SGIP1: variants seen among roughly 807,000 people sequenced by gnomAD.
SGIP1 encodes the protein SH3-containing GRB2-like protein 3-interacting protein 1.
Under a neutral mutation model 107.5 loss-of-function variants are expected in SGIP1, and 38 were observed. The ratio of observed to expected loss-of-function variants is 0.35; its 90% CI spans 0.27 to 0.46. The LOEUF (loss-of-function observed/expected upper bound fraction) is 0.46. Among genes scored for constraint, SGIP1 ranks in the 20% least tolerant of loss-of-function variants. The pLI is 1.00. For synonymous variants in SGIP1, 365 were observed against 366.1 expected, an observed-to-expected ratio of 1.00 and a Z score of 0.03; for missense variants, 929 against 1,019.5, an observed-to-expected ratio of 0.91 and a Z score of 1.21.
At chr1:66,664,893 T>C (rs72669475) in intron 8 of SGIP1, among the ~76,000 whole-genome samples, 18,525 of 152,198 alleles carry the variant, frequency 0.12, 1,163 homozygotes, top group South Asian at 0.13. Context: ...TTGGAATAAA[T>C]TGATAGCAGC....
intron 1 of SGIP1, among the ~76,000 whole-genome samples, chr1:66,582,458 T>G (rs1461373736): frequency 6.6e-6 from 1 of 151,764 alleles, no homozygotes; most frequent in African/African-American, 2.4e-5. Context: ...CTCTGGATGA[T>G]CTGAGGAAAG....
At chr1:66,641,136 C>T (rs2076716444) in intron 5 of SGIP1, among the ~76,000 whole-genome samples, 1 of 151,944 alleles carries the variant, frequency 6.6e-6, no homozygotes, top group Non-Finnish European at 1.5e-5. Flanking sequence ...TACAAATTTG[C>T]AGTAAGGTGA....
chr1:66,670,020 GCCATCCAACAA>G (rs891748466), intron 9 of SGIP1, among the ~76,000 whole-genome samples: 1 of 152,116 alleles, frequency 6.6e-6, no homozygotes, highest in Non-Finnish European at 1.5e-5. Flanking sequence ...GTGTTTGGTG[GCCATCCAACAA>G]ATGTGTTCAT....
intron 7 of SGIP1, among the ~76,000 whole-genome samples, chr1:66,654,583 T>C (rs2079371889): frequency 6.6e-6 from 1 of 152,232 alleles, no homozygotes; most frequent in African/African-American, 2.4e-5. Flanking sequence ...GAAGGAGATT[T>C]TGTTTTAGTG....
intron 1 of SGIP1, among the ~76,000 whole-genome samples, chr1:66,543,585 A>G (rs1481956235): frequency 1.3e-5 from 2 of 152,230 alleles, no homozygotes; most frequent in African/African-American, 4.8e-5. Flanking sequence ...GGTGACTGCC[A>G]AGAGACACAA....
At chr1:66,713,789 A>C (rs963610587) in intron 18 of SGIP1, among the ~76,000 whole-genome samples, 3 of 152,168 alleles carry the variant, frequency 2.0e-5, no homozygotes, top group African/African-American at 7.2e-5. Context: ...TTTGAATAAA[A>C]TAAACATGCA....
At chr1:66,610,422 G>A (rs1056091202) in intron 1 of SGIP1, among the ~76,000 whole-genome samples, 2 of 152,186 alleles carry the variant, frequency 1.3e-5, no homozygotes, top group African/African-American at 2.4e-5. Context: ...AATTTTCTGT[G>A]TGGCTGTGGG....
intron 2 of SGIP1, among the ~76,000 whole-genome samples, chr1:66,630,869 A>G (rs1001426523): frequency 4.9e-3 from 247 of 50,150 alleles, no homozygotes; most frequent in African/African-American, 0.023. Context: ...GAAAGAAAGA[A>G]AGAAAGAAAG....
At position 66,643,702 on chromosome 1, in the gene SGIP1, C is replaced by T; in HGVS notation, c.442C>T (p.Leu148Phe). Residue 148 changes from leucine to phenylalanine, a missense_variant, in exon 7 of 25, where the codon CTT (leucine) becomes TTT (phenylalanine). Transcript: ENST00000371037. Reference sequence around the variant, plus strand: ...GAAGGCATCAATAGGCAACATCGCACTTTCCCCATCACCAGTGGTGAGTGT... The same window carrying T: ...GAAGGCATCAATAGGCAACATCGCATTTTCCCCATCACCAGTGGTGAGTGT... ...ELKASIGNIA[L>F]SPSPVRKSPR... is the part of the protein sequence containing the mutation. 6.2e-7 allele frequency: 1 copy of T among 1,609,262 alleles called. No individual in the cohort carries two copies. Among genetic ancestry groups the T allele is most frequent in the Non-Finnish European group, 8.5e-7 (1 of 1,178,378 alleles).
chr1:66,660,905 A>G (rs1221033917), intron 8 of SGIP1, among the ~76,000 whole-genome samples: 2 of 152,236 alleles, frequency 1.3e-5, no homozygotes, highest in Non-Finnish European at 1.5e-5. Flanking sequence ...TGATTAGCGT[A>G]CAACATAGTA....
At chr1:66,705,262 C>A (rs1184316310) in intron 18 of SGIP1, among the ~76,000 whole-genome samples, 2 of 152,182 alleles carry the variant, frequency 1.3e-5, no homozygotes, top group African/African-American at 2.4e-5. Flanking sequence ...CTTGCTGACG[C>A]ATATTCACAC....
At chr1:66,534,068 C>A, upstream of SGIP1, 1 of 513,524 alleles carries the variant, frequency 1.9e-6, no homozygotes, top group South Asian at 2.6e-5. Flanking sequence ...TACCATGTGA[C>A]GCGGTCCAAA....
intron 1 of SGIP1, among the ~76,000 whole-genome samples, chr1:66,596,620 T>C (rs960361142): frequency 5.9e-5 from 9 of 151,324 alleles, no homozygotes; most frequent in Admixed American, 5.9e-4. Context: ...TTAAACTGTC[T>C]TCTGCTTGGT....
chr1:66,742,427 C>T (rs2094475235), intron 24 of SGIP1, among the ~76,000 whole-genome samples: 1 of 142,824 alleles, frequency 7.0e-6, no homozygotes, highest in Non-Finnish European at 1.5e-5. Flanking sequence ...AAAAATGATC[C>T]AAATTGGAAT....
chr1:66,609,629 C>A (rs11208920), intron 1 of SGIP1, among the ~76,000 whole-genome samples: 67,115 of 151,892 alleles, frequency 0.44, 14,965 homozygotes, highest in East Asian at 0.53. Context: ...CTAGTTAAGC[C>A]AAATGGGAGA....
Position 66,614,518 on chromosome 1 carries a change from C to T in SGIP1, c.11-11329C>T, listed in dbSNP as rs541669936. ...CTCTCCAAAGAATTTAGAGCATATA[C>T]TGCATATTAATTTTCCTTTAAAACT... On this transcript the variant is annotated intron_variant, in intron 1 of 24. Coordinates refer to ENST00000371037, the MANE Select transcript of SGIP1 (RefSeq NM_032291.4). Among the ~76,000 whole-genome samples, 10 of 152,324 alleles carry T rather than the reference C, an allele frequency of 6.6e-5. No homozygotes were observed. The East Asian group carries it at 1.9e-3, about 29-fold the overall frequency.
At chr1:66,655,207 A>G (rs749336025) in intron 7 of SGIP1, among the ~76,000 whole-genome samples, 4 of 151,988 alleles carry the variant, frequency 2.6e-5, no homozygotes, top group Non-Finnish European at 5.9e-5. Context: ...CCTCATTGTC[A>G]AGATTCCCCC....
intron 1 of SGIP1, among the ~76,000 whole-genome samples, chr1:66,605,603 T>TGTC (rs763823113): frequency 2.6e-5 from 4 of 151,576 alleles, no homozygotes; most frequent in Non-Finnish European, 5.9e-5. Flanking sequence ...CTATCTAGTG[T>TGTC]GTCTCAGAGC....
chr1:66,541,444 G>T (rs2054918082), intron 1 of SGIP1, among the ~76,000 whole-genome samples: 1 of 152,258 alleles, frequency 6.6e-6, no homozygotes, highest in Non-Finnish European at 1.5e-5. Context: ...ATAAGTGAAT[G>T]AGTGTCATGT....
Sources: gnomAD v4.1 joint callset for allele counts (sites outside exome capture counted in the v4.1 genomes callset) on GRCh38, gnomAD v4.1.1 for gene constraint, MANE v1.5 for transcripts, NCBI Gene and HGNC (gene_info 2026-07-23, HGNC 2026-07-21) for gene names.